Variants in PNPT1 observed in about 807,000 individuals in gnomAD.
PNPT1 encodes polyribonucleotide nucleotidyltransferase 1.
PNPT1 carries 53 observed loss-of-function variants against 119.5 expected under a neutral mutation model. That is an observed-to-expected ratio of 0.44 (90% CI 0.36 to 0.56). The LOEUF (loss-of-function observed/expected upper bound fraction) is 0.56, where lower values mean the gene tolerates loss of function less well. PNPT1 is among the 20% of genes least tolerant of loss of function. The pLI is 0.00. For synonymous variants in PNPT1, 357 were observed against 322.1 expected, an observed-to-expected ratio of 1.11 and a Z score of -1.16; for missense variants, 948 against 938.5, an observed-to-expected ratio of 1.01 and a Z score of -0.13.
At chr2:55,655,239 A>G (rs1371947123) in intron 17 of PNPT1, among the ~76,000 whole-genome samples, 1 of 152,124 alleles carries the variant, frequency 6.6e-6, no homozygotes, top group Non-Finnish European at 1.5e-5. Context: ...ATCATCACAA[A>G]AAGTTTTATT....
chr2:55,674,008 C>T (rs1696991584), intron 8 of PNPT1, among the ~76,000 whole-genome samples: 2 of 152,118 alleles, frequency 1.3e-5, no homozygotes, highest in Non-Finnish European at 2.9e-5. Flanking sequence ...CAGGCGTGAG[C>T]CACCGCTCCT....
chr2:55,687,505 C>T (rs1349270967), intron 2 of PNPT1, 140 bp downstream of exon 2: 5 of 628,992 alleles, frequency 7.9e-6, no homozygotes, highest in South Asian at 2.4e-5. Flanking sequence ...ATGATTCTTG[C>T]AGTAGAAATT....
At chr2:55,650,788 C>G (rs1389942508) in intron 18 of PNPT1, among the ~76,000 whole-genome samples, 1 of 140,738 alleles carries the variant, frequency 7.1e-6, no homozygotes, top group Non-Finnish European at 1.6e-5. Flanking sequence ...CCCCTCCGCC[C>G]GGCAGCCGCG....
In PNPT1 at chr2:55,636,101, GCAT is replaced by G. The variant is rs1330500159; in HGVS notation, c.*133_*135del. 2 of 512,124 alleles carry G rather than the reference GCAT, an allele frequency of 3.9e-6. No homozygotes were observed. The highest frequency in any genetic ancestry group is 6.0e-6 in the Non-Finnish European group (2 of 330,748). 31.7% of individuals were successfully genotyped at this position (512,124 alleles called of 1,614,324 possible). On this transcript the variant is annotated 3_prime_UTR_variant, in exon 28 of 28. Coordinates refer to ENST00000447944, the MANE Select transcript of PNPT1 (RefSeq NM_033109.5). ...TTAAAAAAATGGCACATGTAAATGAGCATTTTAGTACAAATAATTAAAATGTAT... is the reference window on the plus strand; with the variant it reads ...TTAAAAAAATGGCACATGTAAATGAGTTTAGTACAAATAATTAAAATGTAT...
At chr2:55,693,323 C>G (rs1325267214) in intron 1 of PNPT1, among the ~76,000 whole-genome samples, 2 of 152,084 alleles carry the variant, frequency 1.3e-5, no homozygotes, top group Admixed American at 6.6e-5. Flanking sequence ...CGGGGGGCCT[C>G]GTCTCACCCA....
At chr2:55,678,405 C>A (rs1181335583) in intron 8 of PNPT1, among the ~76,000 whole-genome samples, 1 of 152,192 alleles carries the variant, frequency 6.6e-6, no homozygotes, top group African/African-American at 2.4e-5. Context: ...GCAGTCGAGG[C>A]TATAGTCATG....
chr2:55,637,698 TA>T (rs1572791101), intron 26 of PNPT1, 99 bp from the exon 27 acceptor site: 2 of 1,102,784 alleles, frequency 1.8e-6, no homozygotes, highest in Non-Finnish European at 2.7e-6. Context: ...TTTTTCTGAT[TA>T]AAAAAATCAG....
chr2:55,678,144 A>G (rs1032548042), intron 8 of PNPT1, among the ~76,000 whole-genome samples: 41 of 152,222 alleles, frequency 2.7e-4, no homozygotes, highest in Admixed American at 2.5e-3. Context: ...ACTACCCTGT[A>G]AAGTAATGAG....
In PNPT1 at chr2:55,667,050, C is replaced by G. The variant is rs2104106774; in HGVS notation, c.1117G>C (p.Glu373Gln). 6.2e-7 allele frequency: 1 copy of G among 1,612,274 alleles called. No individual in the cohort carries two copies. Among genetic ancestry groups the G allele is most frequent in the Non-Finnish European group, 8.5e-7 (1 of 1,179,220 alleles). The change falls in exon 13 of 28, where the codon GAG (glutamate) becomes CAG (glutamine). Residue 373 changes from glutamate (E) to glutamine (Q), a missense_variant. By Grantham distance (29) the Glu-to-Gln change is conservative (BLOSUM62 2). Coordinates refer to ENST00000447944, the MANE Select transcript of PNPT1 (RefSeq NM_033109.5). ...TGAAGGGTTTTAAACATATCTACCT[C>G]ACAACTTACATTCCTAAGTGAAGTC... ...DLTSLRNVSC[E>Q]VDMFKTLHGS... is the part of the protein sequence containing the mutation.
At chr2:55,642,495 G>T (rs1011850118) in intron 25 of PNPT1, among the ~76,000 whole-genome samples, 1 of 151,030 alleles carries the variant, frequency 6.6e-6, no homozygotes, top group African/African-American at 2.4e-5. Context: ...TGCAGTCCCA[G>T]CTACCGGGGA....
At chr2:55,637,723 G>C (rs1034842293) in intron 26 of PNPT1, 124 bp from the exon 27 acceptor site, 1 of 796,354 alleles carries the variant, frequency 1.3e-6, no homozygotes, top group Non-Finnish European at 2.1e-6. Context: ...GCGGCTGGGC[G>C]CAGTGGCTCA....
chr2:55,667,875 T>G lies in PNPT1; in HGVS notation c.1060A>C (p.Asn354His), dbSNP rs774514583. 1.2e-6 allele frequency: 2 copies of G among 1,600,096 alleles called. No individual in the cohort carries two copies. The highest frequency in any genetic ancestry group is 2.7e-5 in the African/African-American group (2 of 73,656). ...AKEVFRSIVL[N>H]EYKRCDGRDL... is the part of the protein sequence containing the mutation. ...GGGTATGTTTACCTTTTGTATTCATTCAAAACAATACTTCTAAAAACTTCC... is the reference window on the plus strand; with the variant it reads ...GGGTATGTTTACCTTTTGTATTCATGCAAAACAATACTTCTAAAAACTTCC... Residue 354 changes from asparagine to histidine, a missense_variant, in exon 12 of 28, where the codon AAT becomes CAT. Asn to His is a moderately conservative substitution (Grantham distance 68, BLOSUM62 1). Coordinates refer to ENST00000447944, the MANE Select transcript of PNPT1 (RefSeq NM_033109.5).
At chr2:55,653,730 G>C (rs1229437107) in intron 18 of PNPT1, among the ~76,000 whole-genome samples, 3 of 151,922 alleles carry the variant, frequency 2.0e-5, no homozygotes, top group Non-Finnish European at 4.4e-5. Context: ...TGCATTTTTT[G>C]CTTTGGCCTG....
At chr2:55,672,536 G>C (rs563225791) in intron 9 of PNPT1, among the ~76,000 whole-genome samples, 1 of 152,278 alleles carries the variant, frequency 6.6e-6, no homozygotes, top group Non-Finnish European at 1.5e-5. Context: ...TCTAAGCACT[G>C]GGCATGTAAC....
At chr2:55,665,074 T>A (rs1041049306) in intron 13 of PNPT1, among the ~76,000 whole-genome samples, 3 of 152,078 alleles carry the variant, frequency 2.0e-5, no homozygotes, top group Admixed American at 6.6e-5. Context: ...TACCCCTAAA[T>A]CATAATAATT....
intron 15 of PNPT1, among the ~76,000 whole-genome samples, chr2:55,657,224 G>A (rs557053249): frequency 6.6e-6 from 1 of 151,786 alleles, no homozygotes; most frequent in Admixed American, 6.6e-5. Flanking sequence ...AGCTACTCAT[G>A]AGGCTGAGGC....
chr2:55,689,301 A>C (rs1490487491), intron 1 of PNPT1, among the ~76,000 whole-genome samples: 1 of 152,218 alleles, frequency 6.6e-6, no homozygotes, highest in Non-Finnish European at 1.5e-5. Flanking sequence ...GTCTCCAAAA[A>C]AGACATACAA....
At chr2:55,680,940 G>A in intron 5 of PNPT1, 22 bp from the exon 6 acceptor site, 1 of 1,598,132 alleles carries the variant, frequency 6.3e-7, no homozygotes. Flanking sequence ...GAAAAAATTT[G>A]ATTTGGAAGG....
chr2:55,689,949 G>C (rs1462364148), intron 1 of PNPT1, among the ~76,000 whole-genome samples: 1 of 152,114 alleles, frequency 6.6e-6, no homozygotes, highest in African/African-American at 2.4e-5. Flanking sequence ...AGCCTCCCGA[G>C]TAGCTCGAAA....
Sources: gnomAD v4.1 joint callset for allele counts (sites outside exome capture counted in the v4.1 genomes callset) on GRCh38, gnomAD v4.1.1 for gene constraint, MANE v1.5 for transcripts, NCBI Gene and HGNC (gene_info 2026-07-23, HGNC 2026-07-21) for gene names.